Variants in LPP observed in about 807,000 individuals in gnomAD.
LPP encodes the protein LIM domain containing preferred translocation partner in lipoma.
LPP carries 38 observed loss-of-function variants against 60.4 expected under a neutral mutation model. The ratio of observed to expected loss-of-function variants is 0.63; its 90% CI spans 0.49 to 0.83. The LOEUF (loss-of-function observed/expected upper bound fraction) is 0.83, where lower values mean the gene tolerates loss of function less well. Among genes scored for constraint, LPP ranks in the 40% least tolerant of loss-of-function variants. The pLI is 0.00. For synonymous variants in LPP, 328 were observed against 290.8 expected (o/e 1.13, Z -1.30); for missense variants, 902 against 783.6 (o/e 1.15, Z -1.80).
intron 3 of LPP, among the ~76,000 whole-genome samples, chr3:188,399,154 T>C (rs1252486266): frequency 1.3e-5 from 2 of 152,188 alleles, no homozygotes; most frequent in Non-Finnish European, 2.9e-5. Flanking sequence ...TAACGGAAGT[T>C]ACACAGTGGG....
At chr3:188,807,344 GT>G (rs1560231306) in intron 9 of LPP, among the ~76,000 whole-genome samples, 1 of 151,844 alleles carries the variant, frequency 6.6e-6, no homozygotes, top group African/African-American at 2.4e-5. Flanking sequence ...TAGTTTTAGT[GT>G]TTGTATATAT....
intron 2 of LPP, among the ~76,000 whole-genome samples, chr3:188,334,497 A>G (rs1391329835): frequency 2.3e-5 from 3 of 129,126 alleles, no homozygotes; most frequent in East Asian, 2.4e-4. Context: ...TATCTGGCTC[A>G]CTGCAAGCTC....
intron 6 of LPP, among the ~76,000 whole-genome samples, chr3:188,545,390 A>G (rs938308437): frequency 1.3e-5 from 2 of 152,170 alleles, no homozygotes; most frequent in South Asian, 4.1e-4. Flanking sequence ...GACAGAAGGG[A>G]TAAGTACTGG....
At chr3:188,198,358 C>T (rs1004545877) in intron 1 of LPP, among the ~76,000 whole-genome samples, 1 of 152,214 alleles carries the variant, frequency 6.6e-6, no homozygotes, top group African/African-American at 2.4e-5. Flanking sequence ...TTAATGTTTT[C>T]TAACTACCTG....
chr3:188,736,157 A>G (rs925444958), intron 8 of LPP, among the ~76,000 whole-genome samples: 1 of 152,206 alleles, frequency 6.6e-6, no homozygotes, highest in Non-Finnish European at 1.5e-5. Flanking sequence ...TCTGATCTGT[A>G]CTGAGAACAG....
chr3:188,468,778 A>G (rs1801072851), intron 4 of LPP, among the ~76,000 whole-genome samples: 2 of 152,194 alleles, frequency 1.3e-5, no homozygotes, highest in South Asian at 4.1e-4. Context: ...CTTGAAACTC[A>G]GTGAACTGGA....
At chr3:188,501,471 C>T (rs929655002) in intron 5 of LPP, among the ~76,000 whole-genome samples, 3 of 151,888 alleles carry the variant, frequency 2.0e-5, no homozygotes, top group Admixed American at 6.6e-5. Flanking sequence ...AAATATTGGC[C>T]GGGCGTGGTG....
intron 2 of LPP, among the ~76,000 whole-genome samples, chr3:188,318,474 A>T (rs1755803565): frequency 2.6e-5 from 4 of 151,834 alleles, no homozygotes. Flanking sequence ...TGTGATAGTG[A>T]TGAAGGTTTG....
chr3:188,792,693 A>G, intron 9 of LPP, among the ~76,000 whole-genome samples: 1 of 152,276 alleles, frequency 6.6e-6, no homozygotes, highest in Non-Finnish European at 1.5e-5. Context: ...AATACATTAG[A>G]TTAATTTACT....
In LPP at chr3:188,886,961, A is replaced by C. The variant is rs1317997947; in HGVS notation, c.*12482A>C. 4.3e-6 allele frequency: 1 copy of C among 231,214 alleles called. No individual in the cohort carries two copies. The highest frequency in any genetic ancestry group is 5.6e-5 in the Admixed American group (1 of 17,710). The allele number at this position is 231,214 out of a possible 1,614,324, so 14.3% of individuals were successfully genotyped here. A position where few individuals can be genotyped will look rare whatever the true frequency, so the allele number is the denominator to read the frequency against. On this transcript the variant is annotated 3_prime_UTR_variant, in exon 12 of 12. Transcript: ENST00000617246. ...CAAAGCAATTTGAGGTGGGGGTGGA[A>C]ACAGGTATTTATCTCTCATGCGTGA...
chr3:188,785,547 T>TATATATATACACACACACACAC (rs1206082559), intron 9 of LPP, among the ~76,000 whole-genome samples: 2 of 43,838 alleles, frequency 4.6e-5, no homozygotes, highest in African/African-American at 1.9e-4. Context: ...TATATATATA[T>TATATATATACACACACACACAC]ACACACACAC....
intron 2 of LPP, among the ~76,000 whole-genome samples, chr3:188,341,445 T>G (rs1763031790): frequency 6.6e-6 from 1 of 152,246 alleles, no homozygotes; most frequent in African/African-American, 2.4e-5. Context: ...TTTCTCATCC[T>G]TTCTGTCCCT....
chr3:188,604,506 A>G (rs141048343), intron 6 of LPP, among the ~76,000 whole-genome samples: 31 of 152,276 alleles, frequency 2.0e-4, no homozygotes, highest in African/African-American at 6.7e-4. Flanking sequence ...AATAGTATCA[A>G]TACATTCCAA....
intron 7 of LPP, among the ~76,000 whole-genome samples, chr3:188,689,127 G>A (rs1861540541): frequency 6.6e-6 from 1 of 152,154 alleles, no homozygotes; most frequent in South Asian, 2.1e-4. Flanking sequence ...TGCTTGGCTG[G>A]AGAGCCTGTC....
rs1770079055 is a variant in LPP at position 188,881,933 on chromosome 3, T to C, written c.*7454T>C. 1 of 217,536 alleles carries C rather than the reference T, an allele frequency of 4.6e-6. No individual in the cohort carries two copies. The highest frequency in any genetic ancestry group is 5.8e-5 in the Admixed American group (1 of 17,238). The allele number at this position is 217,536 out of a possible 1,614,324, so 13.5% of individuals were successfully genotyped here. A position where few individuals can be genotyped will look rare whatever the true frequency, so the allele number is the denominator to read the frequency against. ...AATATTTGTACCTAGAGACGTTACATGTTAGAAAAAGTGAGCAGCTTCTTT... is the reference window on the plus strand; with the variant it reads ...AATATTTGTACCTAGAGACGTTACACGTTAGAAAAAGTGAGCAGCTTCTTT... On this transcript the variant is annotated 3_prime_UTR_variant, in exon 12 of 12. Coordinates refer to ENST00000617246, the MANE Select transcript of LPP (RefSeq NM_001375462.1).
chr3:188,553,592 T>C (rs1280901784), intron 6 of LPP, among the ~76,000 whole-genome samples: 1 of 152,212 alleles, frequency 6.6e-6, no homozygotes, highest in Non-Finnish European at 1.5e-5. Flanking sequence ...ACACCGTGTT[T>C]TTAACATAGG....
chr3:188,303,311 G>T (rs1001243715), intron 2 of LPP, among the ~76,000 whole-genome samples: 1 of 152,186 alleles, frequency 6.6e-6, no homozygotes, highest in Admixed American at 6.5e-5. Flanking sequence ...CGTGCCACAG[G>T]TTGCCAGCAC....
At chr3:188,300,239 A>G (rs1208871246) in intron 2 of LPP, among the ~76,000 whole-genome samples, 1 of 151,730 alleles carries the variant, frequency 6.6e-6, no homozygotes, top group African/African-American at 2.4e-5. Context: ...GTGTATATCT[A>G]TGTGTATTTT....
intron 8 of LPP, among the ~76,000 whole-genome samples, chr3:188,730,535 T>G (rs1720069190): frequency 6.6e-6 from 1 of 152,226 alleles, no homozygotes; most frequent in Non-Finnish European, 1.5e-5. Context: ...TAAGGAAGTA[T>G]GAGTGAATTT....
Sources: gnomAD v4.1 joint callset for allele counts (sites outside exome capture counted in the v4.1 genomes callset) on GRCh38, gnomAD v4.1.1 for gene constraint, MANE v1.5 for transcripts, NCBI Gene and HGNC (gene_info 2026-07-23, HGNC 2026-07-21) for gene names.